SMARCC1: variants seen among roughly 807,000 people sequenced by gnomAD.
SMARCC1 encodes SWI/SNF related BAF chromatin remodeling complex subunit C1, also known as SWI/SNF complex subunit SMARCC1.
Under a neutral mutation model 147.4 loss-of-function variants are expected in SMARCC1, and 43 were observed. The ratio of observed to expected loss-of-function variants is 0.29; its 90% CI spans 0.23 to 0.38. The LOEUF is 0.38. Ranked by LOEUF, SMARCC1 falls within the 10% of genes least tolerant of loss-of-function variation. The probability of loss-of-function intolerance (pLI) is 1.00; values close to 1 mark genes in which losing one functional copy is unlikely to be tolerated. For missense variants in SMARCC1, 1,119 were observed against 1,381.1 expected, an observed-to-expected ratio of 0.81 and a Z score of 3.01; for synonymous variants, 495 against 484.4, an observed-to-expected ratio of 1.02 and a Z score of -0.29.
chr3:47,634,329 G>A (rs1559630701), intron 24 of SMARCC1, among the ~76,000 whole-genome samples: 1 of 152,118 alleles, frequency 6.6e-6, no homozygotes. Context: ...TCAGATGGGT[G>A]GGCATTCAAA....
chr3:47,610,543 C>T, intron 25 of SMARCC1: 1 of 584,768 alleles, frequency 1.7e-6, no homozygotes, highest in Non-Finnish European at 3.0e-6. Context: ...AAGTCTTCTC[C>T]ATGTTGAGTC....
intron 13 of SMARCC1, among the ~76,000 whole-genome samples, chr3:47,687,465 G>T (rs916390900): frequency 1.3e-5 from 2 of 152,118 alleles, no homozygotes; most frequent in African/African-American, 4.8e-5. Flanking sequence ...AAAACAACAA[G>T]GAAGATGACA....
At chr3:47,752,211 G>A (rs958606422) in intron 2 of SMARCC1, among the ~76,000 whole-genome samples, 13 of 152,166 alleles carry the variant, frequency 8.5e-5, no homozygotes, top group African/African-American at 2.7e-4. Flanking sequence ...GGATAGAAAC[G>A]GACTTGGGAT....
chr3:47,758,172 T>A (rs557169162), intron 2 of SMARCC1, among the ~76,000 whole-genome samples: 2 of 151,906 alleles, frequency 1.3e-5, no homozygotes, highest in Non-Finnish European at 2.9e-5. Context: ...CAGGCTGGAG[T>A]GCAGTGGAAT....
Position 47,674,210 on chromosome 3 carries a change from T to C in SMARCC1, c.1839+1265A>G, listed in dbSNP as rs78285720. ...TGTTTAAACAACCTGTATTACTTTATATTTAACCACACAGATTACCCTTTT... is the reference window on the plus strand; with the variant it reads ...TGTTTAAACAACCTGTATTACTTTACATTTAACCACACAGATTACCCTTTT... On this transcript the variant is annotated intron_variant, in intron 18 of 27. Transcript: ENST00000254480. Among the ~76,000 whole-genome samples the C allele has an allele frequency of 6.4e-3, 970 of 152,340 alleles. 15 individuals carry two copies. Among genetic ancestry groups the C allele is most frequent in the African/African-American group, 0.022 (904 of 41,572 alleles).
intron 2 of SMARCC1, among the ~76,000 whole-genome samples, chr3:47,763,596 G>A (rs1323940131): frequency 6.6e-6 from 1 of 151,390 alleles, no homozygotes; most frequent in Non-Finnish European, 1.5e-5. Context: ...GCCTCCCAAA[G>A]TGTTGGGATT....
Position 47,638,792 on chromosome 3 carries a change from A to G in SMARCC1, c.2321-12T>C. ...CTCTTCAGCTCCTTCTACAAGTAAA[A>G]GAATAAGAACAAGTACTCCAATGTG... On this transcript the variant is annotated splice_polypyrimidine_tract_variant and intron_variant, in intron 21 of 27. Coordinates refer to ENST00000254480, the MANE Select transcript of SMARCC1 (RefSeq NM_003074.4). 1 of 1,600,480 alleles carries G rather than the reference A, an allele frequency of 6.2e-7. No homozygotes were observed. Among genetic ancestry groups the G allele is most frequent in the Middle Eastern group, 1.7e-4 (1 of 6,040 alleles).
At chr3:47,692,468 AC>A in intron 12 of SMARCC1, among the ~76,000 whole-genome samples, 1 of 152,342 alleles carries the variant, frequency 6.6e-6, no homozygotes, top group Middle Eastern at 3.4e-3. Context: ...TGTTACAAAA[AC>A]AATTCTTTCA....
intron 7 of SMARCC1, among the ~76,000 whole-genome samples, chr3:47,715,969 C>A (rs2034150991): frequency 6.6e-6 from 1 of 151,880 alleles, no homozygotes; most frequent in South Asian, 2.1e-4. Flanking sequence ...CCACCTACTC[C>A]AACAAAATCA....
At chr3:47,774,012 T>C (rs1315803940) in intron 1 of SMARCC1, among the ~76,000 whole-genome samples, 1 of 152,132 alleles carries the variant, frequency 6.6e-6, no homozygotes, top group Non-Finnish European at 1.5e-5. Flanking sequence ...AGAATTTTTA[T>C]TTTTTTATTT....
At chr3:47,638,667 C>A in intron 22 of SMARCC1, 58 bp downstream of exon 22, 3 of 1,323,652 alleles carry the variant, frequency 2.3e-6, no homozygotes, top group Non-Finnish European at 2.2e-6. Flanking sequence ...ACCCAAAAAA[C>A]AAACCATTAT....
intron 1 of SMARCC1, among the ~76,000 whole-genome samples, chr3:47,774,158 A>T (rs2034947341): frequency 6.6e-6 from 1 of 152,012 alleles, no homozygotes; most frequent in East Asian, 1.9e-4. Context: ...TACAATTATT[A>T]TGCATAGGAC....
At chr3:47,636,613 C>T (rs2032971943) in intron 22 of SMARCC1, among the ~76,000 whole-genome samples, 1 of 152,036 alleles carries the variant, frequency 6.6e-6, no homozygotes, top group Non-Finnish European at 1.5e-5. Context: ...ATTAGCCGGG[C>T]ATGGTGATGG....
intron 2 of SMARCC1, among the ~76,000 whole-genome samples, chr3:47,768,285 T>A (rs1033196754): frequency 6.6e-6 from 1 of 152,200 alleles, no homozygotes; most frequent in Non-Finnish European, 1.5e-5. Context: ...ATCCCTTTCA[T>A]CTGGGAAAGT....
intron 27 of SMARCC1, among the ~76,000 whole-genome samples, chr3:47,588,708 C>G (rs868333485): frequency 2.5e-4 from 27 of 108,160 alleles, no homozygotes; most frequent in Middle Eastern, 0.011. Context: ...TTCCCGCCCC[C>G]CCCCCGCCCC....
intron 3 of SMARCC1, among the ~76,000 whole-genome samples, chr3:47,738,889 G>A (rs1247815772): frequency 6.6e-6 from 1 of 152,134 alleles, no homozygotes; most frequent in African/African-American, 2.4e-5. Context: ...ATAGCTGGGG[G>A]TATCCCAAAC....
At chr3:47,761,952 T>C (rs1439621474) in intron 2 of SMARCC1, among the ~76,000 whole-genome samples, 1 of 152,004 alleles carries the variant, frequency 6.6e-6, no homozygotes, top group Admixed American at 6.6e-5. Flanking sequence ...GGGATTTTTT[T>C]TGTATTTTTA....
intron 25 of SMARCC1, among the ~76,000 whole-genome samples, chr3:47,612,911 C>T (rs1400350585): frequency 2.0e-5 from 3 of 152,190 alleles, no homozygotes; most frequent in Admixed American, 6.5e-5. Flanking sequence ...CTCTGTTCTG[C>T]GGCAGATGCA....
chr3:47,647,251 G>A (rs532429063), intron 21 of SMARCC1, among the ~76,000 whole-genome samples: 1 of 152,142 alleles, frequency 6.6e-6, no homozygotes, highest in Non-Finnish European at 1.5e-5. Flanking sequence ...GTGCAAAAGC[G>A]ATGCATTCTG....
Sources: allele counts gnomAD v4.1 joint callset (sites outside exome capture counted in the v4.1 genomes callset), GRCh38; gene constraint gnomAD v4.1.1; transcripts MANE v1.5; gene names NCBI Gene and HGNC (gene_info 2026-07-23, HGNC 2026-07-21).